Variants in WASF2 observed in about 807,000 individuals in gnomAD.
The protein encoded by WASF2 is WASP family member 2.
Under a neutral mutation model 45.0 loss-of-function variants are expected in WASF2, and 14 were observed. The observed-to-expected ratio is 0.31, with a 90% CI of 0.21 to 0.49. The LOEUF is 0.49. Among genes scored for constraint, WASF2 ranks in the 20% least tolerant of loss-of-function variants. The pLI, the probability that WASF2 is intolerant of heterozygous loss-of-function variation, is 0.99. For synonymous variants in WASF2, 200 were observed against 236.3 expected (o/e 0.85, Z 1.41); for missense variants, 439 against 636.1 (o/e 0.69, Z 3.33).
intron 1 of WASF2, among the ~76,000 whole-genome samples, chr1:27,459,978 C>T (rs780803931): frequency 3.3e-5 from 5 of 152,164 alleles, no homozygotes; most frequent in Non-Finnish European, 7.3e-5. Flanking sequence ...AGTGTTACTG[C>T]AAATAAGTAT....
At chr1:27,447,956 G>A (rs2017332176) in intron 1 of WASF2, among the ~76,000 whole-genome samples, 1 of 152,176 alleles carries the variant, frequency 6.6e-6, no homozygotes, top group African/African-American at 2.4e-5. Flanking sequence ...ATTTTCTAGA[G>A]AAGGACAATA....
At chr1:27,465,804 C>G (rs554376479) in intron 1 of WASF2, among the ~76,000 whole-genome samples, 1 of 152,096 alleles carries the variant, frequency 6.6e-6, no homozygotes, top group African/African-American at 2.4e-5. Flanking sequence ...AACACAATAT[C>G]GCAATAAGAG....
At chr1:27,418,915 C>T (rs776679175) in intron 3 of WASF2, 39 bp downstream of exon 3, 4 of 1,585,938 alleles carry the variant, frequency 2.5e-6, no homozygotes, top group East Asian at 4.5e-5. Context: ...TACAAAACTG[C>T]TCAGCAGAGC....
chr1:27,462,334 A>G (rs2017557142), intron 1 of WASF2, among the ~76,000 whole-genome samples: 1 of 152,126 alleles, frequency 6.6e-6, no homozygotes, highest in African/African-American at 2.4e-5. Context: ...CCTTTCTCCA[A>G]ATACTTCAAT....
At chr1:27,450,350 A>C (rs1275917265) in intron 1 of WASF2, among the ~76,000 whole-genome samples, 1 of 152,218 alleles carries the variant, frequency 6.6e-6, no homozygotes. Flanking sequence ...AAAGAAATAC[A>C]GGGTGTTTTA....
At chr1:27,425,838 CAAAAAAAAAA>C (rs57916899) in intron 2 of WASF2, among the ~76,000 whole-genome samples, 3 of 50,606 alleles carry the variant, frequency 5.9e-5, no homozygotes, top group East Asian at 6.2e-4. Context: ...GACTCCGTCT[CAAAAAAAAAA>C]AAAAAAAAAA....
At chr1:27,474,871 G>C (rs555281422) in intron 1 of WASF2, among the ~76,000 whole-genome samples, 1 of 152,138 alleles carries the variant, frequency 6.6e-6, no homozygotes, top group African/African-American at 2.4e-5. Flanking sequence ...AGGATCACTT[G>C]AGCCACAGAG....
intron 1 of WASF2, among the ~76,000 whole-genome samples, chr1:27,455,003 G>A (rs959337832): frequency 1.3e-5 from 2 of 152,010 alleles, no homozygotes; most frequent in African/African-American, 4.8e-5. Flanking sequence ...GAATTTCTGG[G>A]TCACAGGGCA....
At chr1:27,463,105 C>A (rs536889197) in intron 1 of WASF2, among the ~76,000 whole-genome samples, 7 of 152,258 alleles carry the variant, frequency 4.6e-5, no homozygotes, top group Admixed American at 2.0e-4. Flanking sequence ...CAGGCATGGG[C>A]CACTATGCCT....
intron 1 of WASF2, among the ~76,000 whole-genome samples, chr1:27,453,811 C>T (rs1043581888): frequency 2.0e-5 from 3 of 151,850 alleles, no homozygotes; most frequent in African/African-American, 4.8e-5. Context: ...GATGCTTGAA[C>T]CTGGGAGGCA....
At chr1:27,415,949 T>C (rs1334242420) in intron 5 of WASF2, 36 bp downstream of exon 5, 2 of 1,535,878 alleles carry the variant, frequency 1.3e-6, no homozygotes, top group South Asian at 2.2e-5. Context: ...CAATCGTGCC[T>C]ACTGATGTGG....
At chr1:27,454,135 A>ATATGTG (rs1358659847) in intron 1 of WASF2, among the ~76,000 whole-genome samples, 2 of 37,962 alleles carry the variant, frequency 5.3e-5, no homozygotes, top group Admixed American at 5.0e-4. Flanking sequence ...GTATATATAT[A>ATATGTG]TGTGTGTGTG....
chr1:27,413,035 C>G (rs2016785043), intron 6 of WASF2, among the ~76,000 whole-genome samples: 1 of 152,134 alleles, frequency 6.6e-6, no homozygotes, highest in Non-Finnish European at 1.5e-5. Flanking sequence ...TAAATTCTCT[C>G]CCCAGTGTCA....
intron 1 of WASF2, among the ~76,000 whole-genome samples, chr1:27,445,939 T>C (rs779633068): frequency 1.4e-4 from 21 of 151,940 alleles, no homozygotes; most frequent in Non-Finnish European, 2.8e-4. Context: ...TATATTTTAA[T>C]ATAATATTCT....
At chr1:27,488,930 T>A (rs1256571419) in intron 1 of WASF2, among the ~76,000 whole-genome samples, 1 of 152,142 alleles carries the variant, frequency 6.6e-6, no homozygotes, top group South Asian at 2.1e-4. Flanking sequence ...CAAGAGTCAC[T>A]GTAAAAAAAT....
chr1:27,483,490 G>A (rs1274712522), intron 1 of WASF2, among the ~76,000 whole-genome samples: 1 of 151,966 alleles, frequency 6.6e-6, no homozygotes, highest in Admixed American at 6.6e-5. Flanking sequence ...AACAAAATTA[G>A]CCAGGCATGG....
chr1:27,421,833 G>A (rs908300939), intron 2 of WASF2, among the ~76,000 whole-genome samples: 4 of 151,492 alleles, frequency 2.6e-5, no homozygotes, highest in African/African-American at 7.3e-5. Context: ...AAAATTAGCT[G>A]GGCGTGGTGG....
chr1:27,468,921 C>CAA (rs71010356), intron 1 of WASF2, among the ~76,000 whole-genome samples: 10 of 77,774 alleles, frequency 1.3e-4, no homozygotes, highest in Middle Eastern at 7.4e-3. Context: ...GACTCTGTCT[C>CAA]AAAAAAAAAA....
At chr1:27,423,376 G>C (rs765159300) in intron 2 of WASF2, among the ~76,000 whole-genome samples, 1 of 152,000 alleles carries the variant, frequency 6.6e-6, no homozygotes. Context: ...AACAGAGAAG[G>C]GGTTTCACCA....
Sources: gnomAD v4.1 joint callset for allele counts (sites outside exome capture counted in the v4.1 genomes callset) on GRCh38, gnomAD v4.1.1 for gene constraint, MANE v1.5 for transcripts, NCBI Gene and HGNC (gene_info 2026-07-23, HGNC 2026-07-21) for gene names.